The following COL22A1 variants were observed in gnomAD, a reference collection of about 807,000 sequenced individuals.
COL22A1 encodes the protein collagen alpha-1(XXII) chain.
Under a neutral mutation model 248.9 loss-of-function variants are expected in COL22A1, and 221 were observed. The observed-to-expected ratio is 0.89, with a 90% CI of 0.80 to 0.99. The LOEUF (loss-of-function observed/expected upper bound fraction) is 0.99. Ranked by LOEUF, COL22A1 falls within the 50% of genes least tolerant of loss-of-function variation. The pLI, the probability that COL22A1 is intolerant of heterozygous loss-of-function variation, is 0.00. For missense variants in COL22A1, 2,240 were observed against 2,179.0 expected, an observed-to-expected ratio of 1.03 and a Z score of -0.56; for synonymous variants, 891 against 793.4, an observed-to-expected ratio of 1.12 and a Z score of -2.07.
chr8:138,679,081 T>A (rs533268210), intron 40 of COL22A1, among the ~76,000 whole-genome samples: 2 of 152,210 alleles, frequency 1.3e-5, no homozygotes, highest in African/African-American at 4.8e-5. Context: ...CACACCTGCC[T>A]AATTTTTGAC....
At chr8:138,805,978 GTGAT>G (rs1817579312) in intron 10 of COL22A1, among the ~76,000 whole-genome samples, 2 of 124,122 alleles carry the variant, frequency 1.6e-5, no homozygotes, top group Admixed American at 1.7e-4. Flanking sequence ...GATAGTGTGT[GTGAT>G]TGTGTGTGAT....
At chr8:138,713,136 T>A (rs1829143188) in intron 30 of COL22A1, among the ~76,000 whole-genome samples, 1 of 152,154 alleles carries the variant, frequency 6.6e-6, no homozygotes, top group South Asian at 2.1e-4. Context: ...GTGGAATTTT[T>A]AGAGACCTGC....
chr8:138,831,502 G>C (rs1471029262), intron 5 of COL22A1, among the ~76,000 whole-genome samples: 1 of 152,182 alleles, frequency 6.6e-6, no homozygotes, highest in Non-Finnish European at 1.5e-5. Flanking sequence ...ATTGGGAGGA[G>C]GGTAGGTAAG....
At chr8:138,749,963 G>A (rs925149773) in intron 22 of COL22A1, among the ~76,000 whole-genome samples, 1 of 152,184 alleles carries the variant, frequency 6.6e-6, no homozygotes, top group African/African-American at 2.4e-5. Context: ...CACACACTGT[G>A]GGAGGAACCC....
chr8:138,846,064 A>G (rs867405839), intron 3 of COL22A1, among the ~76,000 whole-genome samples: 35 of 152,240 alleles, frequency 2.3e-4, no homozygotes, highest in South Asian at 1.0e-3. Context: ...CAAAGGCACC[A>G]CCAGGTCTGA....
At chr8:138,899,720 C>T (rs1814402689) in intron 1 of COL22A1, among the ~76,000 whole-genome samples, 2 of 152,028 alleles carry the variant, frequency 1.3e-5, no homozygotes, top group Admixed American at 6.5e-5. Context: ...GACGGGGTTT[C>T]ACCATGTTGG....
At chr8:138,625,633 G>A (rs537190813) in intron 51 of COL22A1, among the ~76,000 whole-genome samples, 36 of 152,298 alleles carry the variant, frequency 2.4e-4, no homozygotes, top group African/African-American at 7.7e-4. Flanking sequence ...ACATTTTGGA[G>A]GATCATCATA....
intron 4 of COL22A1, among the ~76,000 whole-genome samples, chr8:138,835,039 G>T (rs1820327079): frequency 6.6e-6 from 1 of 152,148 alleles, no homozygotes; most frequent in African/African-American, 2.4e-5. Context: ...GGGGCGACAG[G>T]GAAGGCGCTC....
intron 1 of COL22A1, among the ~76,000 whole-genome samples, chr8:138,887,538 C>T (rs889285300): frequency 1.3e-5 from 2 of 152,220 alleles, no homozygotes; most frequent in Non-Finnish European, 2.9e-5. Context: ...AACATTATAT[C>T]TTGAGCAATG....
chr8:138,882,993 T>G, intron 2 of COL22A1, 89 bp downstream of exon 2: 1 of 1,163,736 alleles, frequency 8.6e-7, no homozygotes. Flanking sequence ...GTGAACTCAC[T>G]TGCATGCACA....
At chr8:138,733,631 C>T (rs898986172) in intron 23 of COL22A1, among the ~76,000 whole-genome samples, 4 of 152,214 alleles carry the variant, frequency 2.6e-5, no homozygotes, top group African/African-American at 9.6e-5. Flanking sequence ...GCCATGGGAT[C>T]AACCTCGGTT....
chr8:138,840,588 G>GCTA (rs1185266687), intron 4 of COL22A1, among the ~76,000 whole-genome samples: 17 of 151,668 alleles, frequency 1.1e-4, no homozygotes, highest in Admixed American at 4.6e-4. Flanking sequence ...GCAAGAATCA[G>GCTA]TTATTATTAT....
chr8:138,644,734 T>C (rs1822042752), intron 47 of COL22A1, among the ~76,000 whole-genome samples: 1 of 148,292 alleles, frequency 6.7e-6, no homozygotes, highest in African/African-American at 2.4e-5. Flanking sequence ...CCCATGCACA[T>C]GTTTCTCCTT....
At chr8:138,749,204 C>G (rs867980761) in intron 22 of COL22A1, among the ~76,000 whole-genome samples, 1 of 152,170 alleles carries the variant, frequency 6.6e-6, no homozygotes. Context: ...TCCATTAACT[C>G]TCTTTTCCTT....
intron 4 of COL22A1, among the ~76,000 whole-genome samples, chr8:138,839,074 G>A (rs1563830143): frequency 1.3e-5 from 2 of 152,204 alleles, no homozygotes; most frequent in East Asian, 1.9e-4. Flanking sequence ...TAGATGGAGA[G>A]CTCTTTCAGG....
At chr8:138,615,365 A>C (rs1248435308) in intron 55 of COL22A1, among the ~76,000 whole-genome samples, 1 of 151,996 alleles carries the variant, frequency 6.6e-6, no homozygotes, top group Non-Finnish European at 1.5e-5. Flanking sequence ...ACTCTGTCTC[A>C]ACTAAAAATA....
intron 10 of COL22A1, among the ~76,000 whole-genome samples, chr8:138,806,905 C>T (rs576795670): frequency 6.6e-6 from 1 of 152,300 alleles, no homozygotes; most frequent in African/African-American, 2.4e-5. Flanking sequence ...TCTGTCTGCA[C>T]CACGAGACTC....
At chr8:138,603,201 C>T (rs1818171925) in intron 59 of COL22A1, among the ~76,000 whole-genome samples, 1 of 152,222 alleles carries the variant, frequency 6.6e-6, no homozygotes, top group Non-Finnish European at 1.5e-5. Context: ...AGAGATAAGA[C>T]ATGGTCCTCA....
At chr8:138,855,829 C>T (rs897008696) in intron 3 of COL22A1, among the ~76,000 whole-genome samples, 1 of 152,190 alleles carries the variant, frequency 6.6e-6, no homozygotes, top group Non-Finnish European at 1.5e-5. Context: ...TTCACCTGTC[C>T]CCACCGACGT....
Sources: gnomAD v4.1 joint callset for allele counts (sites outside exome capture counted in the v4.1 genomes callset) on GRCh38, gnomAD v4.1.1 for gene constraint, MANE v1.5 for transcripts, NCBI Gene and HGNC (gene_info 2026-07-23, HGNC 2026-07-21) for gene names.